The following RNF181 variants were observed in gnomAD, a reference collection of about 807,000 sequenced individuals.
RNF181 encodes the protein ring finger protein 181, also known as E3 ubiquitin-protein ligase RNF181.
Under a neutral mutation model 23.3 loss-of-function variants are expected in RNF181, and 25 were observed. The observed-to-expected ratio is 1.07, with a 90% CI of 0.78 to 1.50. RNF181 has a LOEUF of 1.50. Ranked by LOEUF, RNF181 falls within the 40% of genes most tolerant of loss-of-function variation. The probability of loss-of-function intolerance (pLI) is 0.00; values close to 1 mark genes in which losing one functional copy is unlikely to be tolerated. For synonymous variants in RNF181, 62 were observed against 70.9 expected (o/e 0.87, Z 0.63); for missense variants, 167 against 191.1 (o/e 0.87, Z 0.74).
At position 85,596,502 on chromosome 2, in the gene RNF181, T is replaced by A. The variant is rs779595128; in HGVS notation, c.87-17T>A. 5 of 1,585,682 alleles carry A rather than the reference T, an allele frequency of 3.2e-6. No individual in the cohort carries two copies. The South Asian group carries it at 5.7e-5, about 18-fold the overall frequency. On this transcript the variant is annotated splice_polypyrimidine_tract_variant and intron_variant, in intron 1 of 4. Transcript: ENST00000306368. ...GCATAGTTTTCCTTTGTTCTGACTT[T>A]ACATCCCCTTCCCCAGGTCACTTTT...
chr2:85,597,178 G>T lies in RNF181; in HGVS notation c.402G>T (p.Lys134Asn). 6.2e-7 allele frequency: 1 copy of T among 1,611,036 alleles called. No individual in the cohort carries two copies. The change falls in exon 4 of 5, where the codon AAG becomes AAT. Residue 134 changes from lysine (K) to asparagine (N), a missense_variant and splice_region_variant. Coordinates refer to ENST00000306368, the MANE Select transcript of RNF181 (RefSeq NM_016494.4). The part of the protein sequence containing the change: ...DDTYEEHRRD[K>N]ARKQQQQHRL... ...CTTATGAGGAGCACAGACGAGATAA[G>T]GTAGGGGCTGATGCTTAAGTGGAGG... is the stretch of plus-strand genomic sequence containing the variant.
intron 1 of RNF181, 93 bp from the exon 2 acceptor site, chr2:85,596,423 CTAG>C: frequency 7.9e-7 from 1 of 1,260,404 alleles, no homozygotes; most frequent in Non-Finnish European, 1.1e-6. Context: ...ATTATTCCTA[CTAG>C]CTGGGCAGCG....
At chr2:85,597,054 C>T (rs1672689594) in intron 3 of RNF181, 50 bp from the exon 4 acceptor site, 1 of 1,614,004 alleles carries the variant, frequency 6.2e-7, no homozygotes, top group African/African-American at 1.3e-5. Context: ...GGGTGGTTAT[C>T]AGCTTATGAA....
intron 1 of RNF181, among the ~76,000 whole-genome samples, 192 bp from the exon 2 acceptor site, chr2:85,596,326 CG>C (rs1162639464): frequency 2.0e-5 from 3 of 151,546 alleles, no homozygotes; most frequent in Non-Finnish European, 4.4e-5. Flanking sequence ...AAACACTTTA[CG>C]TGCTGGGGCG....
Position 85,596,662 on chromosome 2 carries a change from AT to A in RNF181, c.217+15del, listed in dbSNP as rs1272353020. ...GGCTCTCAGGCTGGTGAGGACACTG[AT>A]TCTTTCTGCTATTTGGGCCAGACCC... On this transcript the variant is annotated intron_variant, in intron 2 of 4. Coordinates refer to ENST00000306368, the MANE Select transcript of RNF181 (RefSeq NM_016494.4). 3.7e-6 allele frequency: 6 copies of A among 1,612,974 alleles called. No individual in the cohort carries two copies. Among genetic ancestry groups the A allele is most frequent in the African/African-American group, 1.3e-5 (1 of 74,872 alleles).
chr2:85,596,729 T>G, intron 2 of RNF181, 80 bp downstream of exon 2: 5 of 1,612,596 alleles, frequency 3.1e-6, no homozygotes, highest in Non-Finnish European at 4.2e-6. Context: ...TCCTTCAGTT[T>G]TCCAGGTCAG....
rs1672692851 is a variant in RNF181 at position 85,597,167 on chromosome 2, A to G, written c.391A>G (p.Arg131Gly). The change falls in exon 4 of 5, where the codon AGA becomes GGA. Residue 131 changes from arginine (R) to glycine (G), a missense_variant. Physicochemically the swap from Arg to Gly is moderately radical, Grantham distance 125. Transcript: ENST00000306368. ...PTDDDTYEEHRRDKARKQQQQ... is the reference protein window; with the variant it reads ...PTDDDTYEEHGRDKARKQQQQ... ...TGATGACGACACTTATGAGGAGCACAGACGAGATAAGGTAGGGGCTGATGC... is the reference window on the plus strand; with the variant it reads ...TGATGACGACACTTATGAGGAGCACGGACGAGATAAGGTAGGGGCTGATGC... The G allele has an allele frequency of 6.2e-7, 1 of 1,613,168 alleles. No homozygotes were observed. The highest frequency in any genetic ancestry group is 1.7e-5 in the Admixed American group (1 of 59,978).
chr2:85,596,380 C>G (rs527992848), intron 1 of RNF181, 139 bp from the exon 2 acceptor site: 6 of 828,152 alleles, frequency 7.2e-6, no homozygotes, highest in Non-Finnish European at 1.1e-5. Flanking sequence ...TGCTTTTTAT[C>G]TAGTGAGCAT....
intron 4 of RNF181, 69 bp from the exon 5 acceptor site, chr2:85,597,376 T>C (rs1312272661): frequency 9.1e-6 from 14 of 1,532,402 alleles, no homozygotes; most frequent in Non-Finnish European, 5.3e-6. Flanking sequence ...AGCCCCATAA[T>C]AGCTGCCCAT....
Position 85,597,637 on chromosome 2 carries a change from C to G in RNF181, c.*133C>G. On this transcript the variant is annotated 3_prime_UTR_variant, in exon 5 of 5. Transcript: ENST00000306368. Reference sequence around the variant, plus strand: ...AGGGGCTCTGCATCCTCCATCAGGTCTCTACTTCTGTTGGGGAAGGTGATC... The same window carrying G: ...AGGGGCTCTGCATCCTCCATCAGGTGTCTACTTCTGTTGGGGAAGGTGATC... 6.9e-7 allele frequency: 1 copy of G among 1,446,566 alleles called. No individual in the cohort carries two copies. The highest frequency in any genetic ancestry group is 1.9e-4 in the Middle Eastern group (1 of 5,214). The allele number at this position is 1,446,566 out of a possible 1,614,324, so 89.6% of individuals were successfully genotyped here.
rs772618855 is a variant in RNF181 at position 85,597,454 on chromosome 2, C to T, written c.412C>T (p.Gln138Ter). ...EEHRRDKARK[Q>*]QQQHRLENLH... is the part of the protein sequence containing the mutation. ...GCCTTCTTTCCTTCAGGCTCGAAAA[C>T]AGCAGCAGCAACACCGACTGGAGAA... The change falls in exon 5 of 5, where the codon CAG becomes TAG. Residue 138 changes from glutamine (Q) to a stop codon, truncating the protein, a stop_gained. Coordinates refer to ENST00000306368, the MANE Select transcript of RNF181 (RefSeq NM_016494.4). LOFTEE classifies it high-confidence loss of function. 2 of 1,610,886 alleles carry T rather than the reference C, an allele frequency of 1.2e-6. No homozygotes were observed. The highest frequency in any genetic ancestry group is 2.2e-5 in the South Asian group (2 of 90,700).
intron 3 of RNF181, 42 bp downstream of exon 3, chr2:85,596,973 C>T (rs1352154817): frequency 2.5e-6 from 4 of 1,614,088 alleles, no homozygotes; most frequent in Middle Eastern, 1.6e-4. Context: ...GCCCTGGGCC[C>T]AGTACTCAAG....
chr2:85,596,090 C>T (rs972587648), intron 1 of RNF181, among the ~76,000 whole-genome samples: 2 of 150,442 alleles, frequency 1.3e-5, no homozygotes, highest in Non-Finnish European at 3.0e-5. Context: ...GAGTGGTGGG[C>T]GTGGGGGCGG....
At chr2:85,596,454 T>C (rs757320657) in intron 1 of RNF181, 65 bp from the exon 2 acceptor site, 21 of 1,508,388 alleles carry the variant, frequency 1.4e-5, no homozygotes, top group Non-Finnish European at 1.8e-5. Context: ...TAATGTCCAG[T>C]GGATTATGGG....
At chr2:85,597,249 C>T (rs1384305909) in intron 4 of RNF181, 71 bp downstream of exon 4, 3 of 1,447,548 alleles carry the variant, frequency 2.1e-6, no homozygotes, top group Non-Finnish European at 2.9e-6. Flanking sequence ...CCATCACTTC[C>T]CACCTCAGCA....
chr2:85,596,990 T>C, intron 3 of RNF181, 59 bp downstream of exon 3: 4 of 1,614,092 alleles, frequency 2.5e-6, no homozygotes, highest in Non-Finnish European at 3.4e-6. Context: ...CAAGCTTCTT[T>C]CTGTTCATGG....
In RNF181 at chr2:85,595,794, G is replaced by GA. The variant is rs1558826836; in HGVS notation, c.32dup (p.Pro12AlafsTer5). 6.2e-7 allele frequency: 1 copy of GA among 1,613,996 alleles called. No homozygotes were observed. Among genetic ancestry groups the GA allele is most frequent in the East Asian group, 2.2e-5 (1 of 44,882 alleles). On this transcript the variant is annotated frameshift_variant, in exon 1 of 5. Coordinates refer to ENST00000306368, the MANE Select transcript of RNF181 (RefSeq NM_016494.4). LOFTEE classifies it high-confidence loss of function. Reference sequence around the variant, plus strand: ...GTCCTATTTCGATGAACACGACTGCGAGCCGTCGGACCCTGAGCAGGAGAC... The same window carrying GA: ...GTCCTATTTCGATGAACACGACTGCGAAGCCGTCGGACCCTGAGCAGGAGAC...
Position 85,597,439 on chromosome 2 carries a change from C to T in RNF181, c.403-6C>T, listed in dbSNP as rs370114662. 1.9e-6 allele frequency: 3 copies of T among 1,605,944 alleles called. No individual in the cohort carries two copies. The highest frequency in any genetic ancestry group is 1.8e-4 in the Middle Eastern group (1 of 5,682). ...GCCCCTGCCCAGCATGCCTTCTTTC[C>T]TTCAGGCTCGAAAACAGCAGCAGCA... On this transcript the variant is annotated splice_region_variant and splice_polypyrimidine_tract_variant and intron_variant, in intron 4 of 4. Coordinates refer to ENST00000306368, the MANE Select transcript of RNF181 (RefSeq NM_016494.4).
Position 85,596,525 on chromosome 2 carries a change from T to G in RNF181, c.93T>G (p.Leu31=). Residue 31 remains leucine, a synonymous_variant, in exon 2 of 5, where the codon CTT becomes CTG. Transcript: ENST00000306368. ...TNMLLELARS[L]FNRMDFEDLG... ...TTTACATCCCCTTCCCCAGGTCACT[T>G]TTCAATAGGATGGACTTTGAAGACT... 8 of 1,605,694 alleles carry G rather than the reference T, an allele frequency of 5.0e-6. No homozygotes were observed. The highest frequency in any genetic ancestry group is 6.8e-6 in the Non-Finnish European group (8 of 1,176,602).
Sources: allele counts gnomAD v4.1 joint callset (sites outside exome capture counted in the v4.1 genomes callset), GRCh38; gene constraint gnomAD v4.1.1; transcripts MANE v1.5; gene names NCBI Gene and HGNC (gene_info 2026-07-23, HGNC 2026-07-21).